SERHL2: variants seen among roughly 807,000 people sequenced by gnomAD.
The protein encoded by SERHL2 is serine hydrolase-like protein 2.
Under a neutral mutation model 25.5 loss-of-function variants are expected in SERHL2, and 29 were observed. The ratio of observed to expected loss-of-function variants is 1.14; its 90% CI spans 0.85 to 1.55. The LOEUF (loss-of-function observed/expected upper bound fraction) is 1.55. SERHL2 is among the 40% of genes most tolerant of loss of function. The pLI, the probability that SERHL2 is intolerant of heterozygous loss-of-function variation, is 0.00. For synonymous variants in SERHL2, 95 were observed against 103.5 expected (o/e 0.92, Z 0.50); for missense variants, 240 against 252.3 (o/e 0.95, Z 0.33).
chr22:42,553,991 TGACAGCAGCGCATTCGCGGGAC>T lies in SERHL2; in HGVS notation c.-27_-6del. 1.2e-6 allele frequency: 2 copies of T among 1,612,582 alleles called. No homozygotes were observed. The highest frequency in any genetic ancestry group is 2.2e-5 in the South Asian group (2 of 90,968). On this transcript the variant is annotated 5_prime_UTR_variant, in exon 1 of 12. Coordinates refer to ENST00000327678, the MANE Select transcript of SERHL2 (RefSeq NM_014509.5). Reference sequence around the variant, plus strand: ...TGCGACCTAGCCAGGCGTGAGGGAGTGACAGCAGCGCATTCGCGGGACGAGAGCGATGAGTGAGAACGCCGCA... The same window carrying T: ...TGCGACCTAGCCAGGCGTGAGGGAGTGAGAGCGATGAGTGAGAACGCCGCA...
Position 42,566,313 on chromosome 22 carries a change from T to C in SERHL2, c.623T>C (p.Leu208Pro), listed in dbSNP as rs758711341. Residue 208 changes from leucine to proline, a missense_variant, in exon 9 of 12, where the codon CTG (leucine) becomes CCG (proline). By Grantham distance (98) the Leu-to-Pro change is moderately conservative. Around this residue, in one of 4 missense-constraint regions of SERHL2, gnomAD observed 212 missense variants for 168.9 expected, o/e 1.25. Coordinates refer to ENST00000327678, the MANE Select transcript of SERHL2 (RefSeq NM_014509.5). ...GTGCTTCCGCCTCCAGGTCTGGTTC[T>C]GAACAGAGACCAGAGGCTCGCCTGG... ...GTTKVATGLV[L>P]NRDQRLAWAE... 26 of 1,612,186 alleles carry C rather than the reference T, an allele frequency of 1.6e-5. No homozygotes were observed. The highest frequency in any genetic ancestry group is 3.3e-4 in the Middle Eastern group (2 of 6,028).
intron 8 of SERHL2, among the ~76,000 whole-genome samples, chr22:42,562,400 G>A (rs1027405954): frequency 3.3e-5 from 5 of 151,804 alleles, no homozygotes; most frequent in African/African-American, 7.2e-5. Context: ...TCAAGGCCTC[G>A]GCAGGGCTGG....
intron 8 of SERHL2, among the ~76,000 whole-genome samples, chr22:42,564,541 C>T (rs970784939): frequency 2.6e-5 from 4 of 151,334 alleles, no homozygotes; most frequent in African/African-American, 9.7e-5. Context: ...AAGTAATTCT[C>T]CTGCCTCAGT....
chr22:42,568,823 G>A (rs1005359877), intron 9 of SERHL2, among the ~76,000 whole-genome samples: 31 of 151,794 alleles, frequency 2.0e-4, no homozygotes, highest in Non-Finnish European at 3.8e-4. Flanking sequence ...AAAATTAGCC[G>A]GGTGTGGTGG....
In SERHL2 at chr22:42,554,020, G is replaced by C. The variant is rs772915995; in HGVS notation, c.-1G>C. The C allele has an allele frequency of 1.9e-6, 3 of 1,613,616 alleles. No homozygotes were observed. Among genetic ancestry groups the C allele is most frequent in the South Asian group, 2.2e-5 (2 of 91,054 alleles). On this transcript the variant is annotated 5_prime_UTR_variant, in exon 1 of 12. Coordinates refer to ENST00000327678, the MANE Select transcript of SERHL2 (RefSeq NM_014509.5). ...AGCAGCGCATTCGCGGGACGAGAGC[G>C]ATGAGTGAGAACGCCGCACCAGGTC... is the stretch of plus-strand genomic sequence containing the variant.
At position 42,574,089 on chromosome 22, in the gene SERHL2, C is replaced by T. The variant is rs1380268916; in HGVS notation, c.*34C>T. ...CTGGAACTATGAAGACCTAGTGCTC[C>T]CAGACTCAACACTGGGACTCTGAGT... On this transcript the variant is annotated 3_prime_UTR_variant, in exon 12 of 12. Coordinates refer to ENST00000327678, the MANE Select transcript of SERHL2 (RefSeq NM_014509.5). 8 of 1,598,622 alleles carry T rather than the reference C, an allele frequency of 5.0e-6. No homozygotes were observed. Among genetic ancestry groups the T allele is most frequent in the Non-Finnish European group, 6.9e-6 (8 of 1,167,044 alleles).
chr22:42,559,827 T>C (rs1922453420), intron 7 of SERHL2, among the ~76,000 whole-genome samples: 1 of 151,996 alleles, frequency 6.6e-6, no homozygotes. Context: ...TGTTTTGTTT[T>C]TGGAGACCAA....
chr22:42,569,871 G>C (rs2146744663), intron 9 of SERHL2: 1 of 141,442 alleles, frequency 7.1e-6, no homozygotes, highest in African/African-American at 2.7e-5. Context: ...GTGTGTGTGT[G>C]TGTTCATGGC....
intron 9 of SERHL2, among the ~76,000 whole-genome samples, chr22:42,570,493 G>A (rs567630869): frequency 7.9e-5 from 12 of 152,256 alleles, no homozygotes; most frequent in African/African-American, 2.9e-4. Flanking sequence ...TCAACATAAA[G>A]CTTGATTGCA....
At position 42,571,196 on chromosome 22, in the gene SERHL2, T is replaced by C; in HGVS notation, c.724T>C (p.Leu242=). The change falls in exon 10 of 12, where the codon TTG becomes CTG. Residue 242 remains leucine, a synonymous_variant. Coordinates refer to ENST00000327678, the MANE Select transcript of SERHL2 (RefSeq NM_014509.5). ...CAGGAAGCTGCAGGCCCATGTCCTG[T>C]TGATCAAGTAAGTCTGGACCCATCC... ...SIRKLQAHVL[L]IKAVHGYFDS... The C allele has an allele frequency of 6.2e-7, 1 of 1,613,242 alleles. No homozygotes were observed. The highest frequency in any genetic ancestry group is 8.5e-7 in the Non-Finnish European group (1 of 1,179,574).
Position 42,570,617 on chromosome 22 carries a change from TGGCAGGGCCGCGGAGGAGGCC to T in SERHL2, c.649-496_649-476del, listed in dbSNP as rs755787734. 5.1e-3 allele frequency among the ~76,000 whole-genome samples: 728 copies of T among 144,114 alleles called. 6 individuals carry two copies. The highest frequency in any genetic ancestry group is 8.2e-3 in the Non-Finnish European group (531 of 64,926). 94.5% of individuals were successfully genotyped at this position (144,114 alleles called of 152,430 possible). ...ACGTAAAACAGTCACAAGACAGGGC[TGGCAGGGCCGCGGAGGAGGCC>T]GGCAGGGGCCATCACGGAGTGCCCA... On this transcript the variant is annotated intron_variant, in intron 9 of 11. Coordinates refer to ENST00000327678, the MANE Select transcript of SERHL2 (RefSeq NM_014509.5).
At chr22:42,559,609 C>T (rs569385831) in intron 7 of SERHL2, among the ~76,000 whole-genome samples, 1 of 151,602 alleles carries the variant, frequency 6.6e-6, no homozygotes, top group African/African-American at 2.4e-5. Flanking sequence ...AGGCGTTAGA[C>T]ATTCTCTAGA....
At chr22:42,560,134 A>G in intron 7 of SERHL2, 52 bp from the exon 8 acceptor site, 2 of 1,393,934 alleles carry the variant, frequency 1.4e-6, no homozygotes, top group Non-Finnish European at 2.0e-6. Flanking sequence ...TTTTTATCTG[A>G]CCTCCTTTTT....
chr22:42,571,045 CAACA>C (rs1924103945), intron 9 of SERHL2, 72 bp from the exon 10 acceptor site: 1 of 1,604,964 alleles, frequency 6.2e-7, no homozygotes, highest in Non-Finnish European at 8.5e-7. Flanking sequence ...TTAGCCACCC[CAACA>C]GAGATGGGTT....
chr22:42,571,856 CGTT>C, intron 10 of SERHL2: 1 of 147,402 alleles, frequency 6.8e-6, no homozygotes, highest in Admixed American at 7.1e-5. Flanking sequence ...GCTGCATTCA[CGTT>C]CAAGTCAAGT....
rs753928627 is a variant in SERHL2, at chr22:42,554,013, C to T, written c.-8C>T. 1.2e-5 allele frequency: 19 copies of T among 1,613,400 alleles called. No homozygotes were observed. The South Asian group carries it at 2.1e-4, about 18-fold the overall frequency. ...GAGTGACAGCAGCGCATTCGCGGGA[C>T]GAGAGCGATGAGTGAGAACGCCGCA... is the stretch of plus-strand genomic sequence containing the variant. On this transcript the variant is annotated 5_prime_UTR_variant, in exon 1 of 12. The change creates a new upstream start codon in the 5' untranslated region. Transcript: ENST00000327678.
chr22:42,567,465 C>T (rs1227519943), intron 9 of SERHL2, among the ~76,000 whole-genome samples: 21 of 149,758 alleles, frequency 1.4e-4, no homozygotes. Flanking sequence ...GAGATCGAGA[C>T]CATCCTGGCT....
In SERHL2 at chr22:42,572,497, A is replaced by G. The variant is rs754243292; in HGVS notation, c.793A>G (p.Met265Val). The change falls in exon 11 of 12, where the codon ATG becomes GTG. Residue 265 changes from methionine to valine, a missense_variant. By Grantham distance (21) the Met-to-Val change is conservative. Transcript: ENST00000327678. ...CTCTGAGAAGGAGTCCCTGTCGTTC[A>G]TGATAGACACGATGAAATCCACCCT... ...NYSEKESLSF[M>V]IDTMKSTLKE... 4 of 1,612,074 alleles carry G rather than the reference A, an allele frequency of 2.5e-6. No homozygotes were observed. Among genetic ancestry groups the G allele is most frequent in the Non-Finnish European group, 3.4e-6 (4 of 1,178,398 alleles).
rs1060160 is a variant in SERHL2 at position 42,574,315 on chromosome 22, A to G, written c.*260A>G. 6.0e-4 allele frequency: 321 copies of G among 536,508 alleles called. No individual in the cohort carries two copies. The highest frequency in any genetic ancestry group is 3.7e-3 in the African/African-American group (186 of 50,728). 33.2% of individuals were successfully genotyped at this position (536,508 alleles called of 1,614,324 possible). A position where few individuals can be genotyped will look rare whatever the true frequency, so the allele number is the denominator to read the frequency against. On this transcript the variant is annotated 3_prime_UTR_variant, in exon 12 of 12. Coordinates refer to ENST00000327678, the MANE Select transcript of SERHL2 (RefSeq NM_014509.5). Reference sequence around the variant, plus strand: ...CCAGCCAGCTGGAGGAAGGAAGGGCAGGCTGGGCCCACCTAGCCTTTCCCT... The same window carrying G: ...CCAGCCAGCTGGAGGAAGGAAGGGCGGGCTGGGCCCACCTAGCCTTTCCCT...
Sources: allele counts gnomAD v4.1 joint callset (sites outside exome capture counted in the v4.1 genomes callset), GRCh38; gene constraint gnomAD v4.1.1; regional missense constraint gnomAD v4.1.1; transcripts MANE v1.5; gene names NCBI Gene and HGNC (gene_info 2026-07-23, HGNC 2026-07-21).